SUGCT: variants seen among roughly 807,000 people sequenced by gnomAD.
The protein encoded by SUGCT is succinyl-CoA:glutarate-CoA transferase.
Under a neutral mutation model 55.0 loss-of-function variants are expected in SUGCT, and 41 were observed. The observed-to-expected ratio is 0.74, with a 90% CI of 0.58 to 0.97. SUGCT has a LOEUF of 0.97. Ranked by LOEUF, SUGCT falls within the 50% of genes least tolerant of loss-of-function variation. The pLI is 0.00. For missense variants in SUGCT, 568 were observed against 547.8 expected, an observed-to-expected ratio of 1.04 and a Z score of -0.37; for synonymous variants, 187 against 200.4, an observed-to-expected ratio of 0.93 and a Z score of 0.56.
intron 1 of SUGCT, among the ~76,000 whole-genome samples, chr7:40,150,105 T>C (rs1788477043): frequency 6.6e-6 from 1 of 152,020 alleles, no homozygotes; most frequent in Non-Finnish European, 1.5e-5. Flanking sequence ...AAAATAATTA[T>C]GGTTTAGGAG....
chr7:40,548,597 A>G (rs1323858448), intron 12 of SUGCT, among the ~76,000 whole-genome samples: 1 of 151,978 alleles, frequency 6.6e-6, no homozygotes, highest in African/African-American at 2.4e-5. Context: ...GTGCCCACAT[A>G]TCCATAGTGT....
At chr7:40,655,572 G>T (rs1800978347) in intron 12 of SUGCT, among the ~76,000 whole-genome samples, 1 of 152,194 alleles carries the variant, frequency 6.6e-6, no homozygotes, top group Non-Finnish European at 1.5e-5. Flanking sequence ...CAGTTACAAA[G>T]CTGATGACCC....
chr7:40,971,767 A>C, the SUGCT span, among the ~76,000 whole-genome samples: 1 of 152,226 alleles, frequency 6.6e-6, no homozygotes, highest in Admixed American at 6.5e-5. Context: ...TGTCGTCAGT[A>C]CCACAGGCAG....
At chr7:40,146,296 T>C (rs1052974825) in intron 1 of SUGCT, among the ~76,000 whole-genome samples, 10 of 152,208 alleles carry the variant, frequency 6.6e-5, no homozygotes, top group Non-Finnish European at 4.4e-5. Flanking sequence ...AGCTTGTCAG[T>C]GGCCTCAATG....
At chr7:40,519,684 A>G (rs775021306) in intron 12 of SUGCT, among the ~76,000 whole-genome samples, 13 of 152,176 alleles carry the variant, frequency 8.5e-5, no homozygotes, top group South Asian at 2.1e-4. Context: ...TAATGGGCCA[A>G]TGTATAAAAG....
chr7:40,860,499 C>T lies in SUGCT; in HGVS notation c.*20C>T. 6.2e-7 allele frequency: 1 copy of T among 1,602,052 alleles called. No individual in the cohort carries two copies. Among genetic ancestry groups the T allele is most frequent in the Non-Finnish European group, 8.5e-7 (1 of 1,171,986 alleles). ...CACTGACAAAGGAAAAGGGCTCTTCCTCATAACCTCGATCCGAATACACTG... is the reference window on the plus strand; with the variant it reads ...CACTGACAAAGGAAAAGGGCTCTTCTTCATAACCTCGATCCGAATACACTG... On this transcript the variant is annotated 3_prime_UTR_variant, in exon 14 of 14. Coordinates refer to ENST00000335693, the MANE Select transcript of SUGCT (RefSeq NM_001193313.2).
At chr7:40,851,720 T>A (rs888412365) in intron 13 of SUGCT, among the ~76,000 whole-genome samples, 5 of 152,232 alleles carry the variant, frequency 3.3e-5, no homozygotes, top group African/African-American at 4.8e-5. Flanking sequence ...TTTATACCCA[T>A]GAAGTCCATA....
chr7:40,254,697 C>T (rs1183932259), intron 7 of SUGCT, among the ~76,000 whole-genome samples: 2 of 151,702 alleles, frequency 1.3e-5, no homozygotes, highest in East Asian at 3.9e-4. Context: ...ACCCAGCCAA[C>T]AATTTATTTA....
intron 12 of SUGCT, among the ~76,000 whole-genome samples, chr7:40,520,124 C>T (rs555892820): frequency 2.0e-5 from 3 of 152,094 alleles, no homozygotes; most frequent in African/African-American, 7.2e-5. Flanking sequence ...AAAAATCCGA[C>T]TTAAGAGTTG....
chr7:40,892,550 TAG>T, the SUGCT span, among the ~76,000 whole-genome samples: 1 of 152,306 alleles, frequency 6.6e-6, no homozygotes. Context: ...AAGTTTTTTT[TAG>T]AGAGAGGGTC....
chr7:40,382,403 C>T (rs1784916488), intron 9 of SUGCT, among the ~76,000 whole-genome samples: 1 of 152,122 alleles, frequency 6.6e-6, no homozygotes, highest in African/African-American at 2.4e-5. Flanking sequence ...ACATGAGTCT[C>T]AGGATTTGGC....
At chr7:40,388,455 G>A (rs374544065) in intron 9 of SUGCT, among the ~76,000 whole-genome samples, 4 of 151,978 alleles carry the variant, frequency 2.6e-5, no homozygotes, top group East Asian at 1.9e-4. Flanking sequence ...TCGCTTTGTC[G>A]TCCAGGCTGG....
At chr7:40,913,754 C>T in the SUGCT span, among the ~76,000 whole-genome samples, 1 of 152,066 alleles carries the variant, frequency 6.6e-6, no homozygotes, top group African/African-American at 2.4e-5. Flanking sequence ...TGTTTTTATT[C>T]TGGGGCCCAG....
At chr7:40,898,300 G>C in the SUGCT span, among the ~76,000 whole-genome samples, 1 of 152,138 alleles carries the variant, frequency 6.6e-6, no homozygotes, top group African/African-American at 2.4e-5. Context: ...CTCCAGACAT[G>C]CTGCTTTGCT....
chr7:40,729,437 C>T (rs1220118130), intron 12 of SUGCT, among the ~76,000 whole-genome samples: 1 of 152,154 alleles, frequency 6.6e-6, no homozygotes, highest in East Asian at 1.9e-4. Context: ...TAAAGCTTCG[C>T]TAAAATAGTG....
At chr7:40,734,386 C>T (rs1787051375) in intron 12 of SUGCT, among the ~76,000 whole-genome samples, 1 of 152,196 alleles carries the variant, frequency 6.6e-6, no homozygotes, top group East Asian at 1.9e-4. Context: ...GTCAGATAGA[C>T]ACCTTTTACC....
intron 9 of SUGCT, among the ~76,000 whole-genome samples, chr7:40,398,363 A>T (rs1002456908): frequency 3.3e-5 from 5 of 152,112 alleles, no homozygotes; most frequent in African/African-American, 1.2e-4. Flanking sequence ...AAGTGCTGGG[A>T]TTACAGGTGT....
intron 7 of SUGCT, among the ~76,000 whole-genome samples, chr7:40,258,661 G>A (rs1337181628): frequency 2.0e-5 from 3 of 152,214 alleles, no homozygotes; most frequent in African/African-American, 7.2e-5. Flanking sequence ...ATAGGCGTGA[G>A]CCACCACACC....
At chr7:40,541,683 T>G (rs566904843) in intron 12 of SUGCT, among the ~76,000 whole-genome samples, 2 of 152,148 alleles carry the variant, frequency 1.3e-5, no homozygotes, top group South Asian at 4.1e-4. Flanking sequence ...TGAAATATAT[T>G]AGAGTAGTTT....
Sources: allele counts gnomAD v4.1 joint callset (sites outside exome capture counted in the v4.1 genomes callset), GRCh38; gene constraint gnomAD v4.1.1; transcripts MANE v1.5; gene names NCBI Gene and HGNC (gene_info 2026-07-23, HGNC 2026-07-21).